IFI27: variants seen among roughly 807,000 people sequenced by gnomAD.
IFI27 encodes interferon alpha-inducible protein 27, mitochondrial.
A neutral mutation model predicts 8.9 loss-of-function variants in IFI27; 3 were observed. That is an observed-to-expected ratio of 0.34 (90% confidence interval 0.15 to 0.87). IFI27 has a LOEUF of 0.87. Ranked by LOEUF, IFI27 falls within the 40% of genes least tolerant of loss-of-function variation. The pLI, the probability that IFI27 is intolerant of heterozygous loss-of-function variation, is 0.51. For missense variants in IFI27, 152 were observed against 157.7 expected (o/e 0.96, Z 0.19); for synonymous variants, 66 against 67.3 (o/e 0.98, Z 0.09).
rs1422214403 is a variant in IFI27, at chr14:94,116,036, C to T, written c.283+94C>T. On this transcript the variant is annotated intron_variant, in intron 4 of 4. Coordinates refer to ENST00000621160, the Ensembl canonical transcript of IFI27. This position sits in a 1 kb window ranked among gnomAD's most constrained non-coding sequence, Gnocchi z 4.3. Reference sequence around the variant, plus strand: ...CAATCTCAACCCTATGAACCTCAATCTCCCTGTTCCTCTGTCTCTCTCTAC... The same window carrying T: ...CAATCTCAACCCTATGAACCTCAATTTCCCTGTTCCTCTGTCTCTCTCTAC... 8.5e-7 allele frequency: 1 copy of T among 1,182,876 alleles called. No individual in the cohort carries two copies. The highest frequency in any genetic ancestry group is 1.3e-5 in the South Asian group (1 of 76,908). The allele number at this position is 1,182,876 out of a possible 1,614,324, so 73.3% of individuals were successfully genotyped here.
chr14:94,109,377 G>GAAGGGCAAGGGC (rs771543145), upstream of IFI27, among the ~76,000 whole-genome samples: 3 of 150,312 alleles, frequency 2.0e-5, no homozygotes, highest in Admixed American at 6.6e-5. Flanking sequence ...GAAGGGCAGG[G>GAAGGGCAAGGGC]AAGGGCAAGG....
At chr14:94,109,490 C>T (rs573286914), upstream of IFI27, among the ~76,000 whole-genome samples, 2 of 152,226 alleles carry the variant, frequency 1.3e-5, no homozygotes, top group Non-Finnish European at 1.5e-5. Flanking sequence ...GTTCTGACCG[C>T]CAAGTGTCAG....
upstream of IFI27, among the ~76,000 whole-genome samples, chr14:94,106,488 T>C (rs2139281177): frequency 6.6e-6 from 1 of 152,380 alleles, no homozygotes; most frequent in East Asian, 1.9e-4. Flanking sequence ...TTTTCGGTTT[T>C]TTTGATAGCA....
At chr14:94,107,338 T>C (rs1262340133), upstream of IFI27, among the ~76,000 whole-genome samples, 6 of 152,326 alleles carry the variant, frequency 3.9e-5, no homozygotes, top group Admixed American at 3.3e-4. Flanking sequence ...CCCAAAGTAG[T>C]GGGATTACAG....
In IFI27 at chr14:94,111,135, G is replaced by C. The variant is rs1326313387; in HGVS notation, c.-59+338G>C. The stretch of plus-strand genomic sequence containing the variant: ...GCGGGGTGTTGCTTCCCTATGGAAA[G>C]CTTCTGACCTGGAGCAAATCACTGA... On this transcript the variant is annotated intron_variant, in intron 1 of 4. Coordinates refer to ENST00000621160, the Ensembl canonical transcript of IFI27. This position sits in a 1 kb window ranked among gnomAD's most constrained non-coding sequence, Gnocchi z 4.3. Among the ~76,000 whole-genome samples, 1 of 152,324 alleles carries C rather than the reference G, an allele frequency of 6.6e-6. No individual in the cohort carries two copies. Among genetic ancestry groups the C allele is most frequent in the Non-Finnish European group, 1.5e-5 (1 of 68,022 alleles).
chr14:94,115,752 C>T (rs759112651), intron 3 of IFI27, 29 bp from the exon 4 acceptor site: 94 of 1,595,890 alleles, frequency 5.9e-5, no homozygotes, highest in African/African-American at 8.1e-5. Context: ...TCTGAGCCCA[C>T]GCACCGACCC....
rs776509115 is a variant in IFI27 at position 94,115,950 on chromosome 14, TC to T, written c.283+10del. 97 of 1,567,638 alleles carry T rather than the reference TC, an allele frequency of 6.2e-5. 2 individuals carry two copies. The East Asian group carries it at 2.3e-3, about 37-fold the overall frequency. On this transcript the variant is annotated intron_variant, in intron 4 of 4. Coordinates refer to ENST00000621160, the Ensembl canonical transcript of IFI27. ...CTACTCTGCAGTCACTGGGTAAGTA[TC>T]CTGGCGGGGCTTGCTGGGGAGGGCG...
intron 2 of IFI27, chr14:94,114,139 A>C (rs1161864557): frequency 1.3e-5 from 2 of 152,300 alleles, no homozygotes; most frequent in African/African-American, 4.8e-5. Flanking sequence ...ATGGACCTTG[A>C]AGAGTCAGAA....
Position 94,116,050 on chromosome 14 carries a change from G to C in IFI27, c.283+108G>C, listed in dbSNP as rs1887395506. ...TGAACCTCAATCTCCCTGTTCCTCT[G>C]TCTCTCTCTACACATTCTCTCAGGG... On this transcript the variant is annotated intron_variant, in intron 4 of 4. Coordinates refer to ENST00000621160, the Ensembl canonical transcript of IFI27. This position sits in a 1 kb window ranked among gnomAD's most constrained non-coding sequence, Gnocchi z 4.3. 1 of 1,125,744 alleles carries C rather than the reference G, an allele frequency of 8.9e-7. No homozygotes were observed. The highest frequency in any genetic ancestry group is 1.3e-6 in the Non-Finnish European group (1 of 769,212). The allele number at this position is 1,125,744 out of a possible 1,614,324, so 69.7% of individuals were successfully genotyped here.
At chr14:94,112,751 C>G (rs1299220957) in intron 2 of IFI27, 1 of 152,524 alleles carries the variant, frequency 6.6e-6, no homozygotes, top group Non-Finnish European at 1.5e-5. Flanking sequence ...TTGCTGGGGG[C>G]ACTGGAGGCT....
rs17129471 is a variant in IFI27, at chr14:94,112,205, A to T, written c.91+432A>T. 8.9e-3 allele frequency: 1,557 copies of T among 175,792 alleles called. 25 individuals are homozygous for T. The highest frequency in any genetic ancestry group is 0.032 in the African/African-American group (1,336 of 42,274). 10.9% of individuals were successfully genotyped at this position (175,792 alleles called of 1,614,324 possible). A position where few individuals can be genotyped will look rare whatever the true frequency, so the allele number is the denominator to read the frequency against. On this transcript the variant is annotated intron_variant, in intron 2 of 4. Transcript: ENST00000621160. ...CAAAATTCTTCAGCTCACTTTTTTCATTAGTTTCTGGGAGATCTCTTTCTG... is the reference window on the plus strand; with the variant it reads ...CAAAATTCTTCAGCTCACTTTTTTCTTTAGTTTCTGGGAGATCTCTTTCTG...
In IFI27 at chr14:94,116,370, A is replaced by G. The variant is rs1887410731; in HGVS notation, c.284-72A>G. On this transcript the variant is annotated intron_variant, in intron 4 of 4. Coordinates refer to ENST00000621160, the Ensembl canonical transcript of IFI27. This position sits in a 1 kb window ranked among gnomAD's most constrained non-coding sequence, Gnocchi z 4.3. ...CTGCTGAGGGTCACTGGAGTCTCTG[A>G]CCCCACAGTCCTGCCCACAGAGCTT... 5.6e-6 allele frequency: 6 copies of G among 1,062,756 alleles called. No homozygotes were observed. The Admixed American group carries it at 1.2e-4, about 21-fold the overall frequency. The allele number at this position is 1,062,756 out of a possible 1,614,324, so 65.8% of individuals were successfully genotyped here. A position where few individuals can be genotyped will look rare whatever the true frequency, so the allele number is the denominator to read the frequency against.
Position 94,114,847 on chromosome 14 carries a change from C to G in IFI27, c.92-4C>G. On this transcript the variant is annotated splice_polypyrimidine_tract_variant and splice_region_variant and intron_variant, in intron 2 of 4. Transcript: ENST00000621160. ...TACTCACAGAATGTTCTTTTGGTTT[C>G]CAGCCAGGATTGCTACAGTTGTGAT... 1 of 1,613,950 alleles carries G rather than the reference C, an allele frequency of 6.2e-7. No homozygotes were observed. The highest frequency in any genetic ancestry group is 2.2e-5 in the East Asian group (1 of 44,874).
chr14:94,106,007 A>G (rs1236717911), upstream of IFI27: 1 of 152,200 alleles, frequency 6.6e-6, no homozygotes, highest in African/African-American at 2.4e-5. Context: ...TAAAAAACAG[A>G]AATTTATTTC....
Position 94,116,070 on chromosome 14 carries a change from T to C in IFI27, c.283+128T>C. 1 of 1,037,364 alleles carries C rather than the reference T, an allele frequency of 9.6e-7. No homozygotes were observed. The highest frequency in any genetic ancestry group is 2.0e-5 in the Admixed American group (1 of 50,406). The allele number at this position is 1,037,364 out of a possible 1,614,324, so 64.3% of individuals were successfully genotyped here. A position where few individuals can be genotyped will look rare whatever the true frequency, so the allele number is the denominator to read the frequency against. ...CCTCTGTCTCTCTCTACACATTCTC[T>C]CAGGGTTTCTCTGAGGGAGATGGAG... On this transcript the variant is annotated intron_variant, in intron 4 of 4. Coordinates refer to ENST00000621160, the Ensembl canonical transcript of IFI27. This position sits in a 1 kb window ranked among gnomAD's most constrained non-coding sequence, Gnocchi z 4.3.
At chr14:94,109,970 C>A (rs571928623), upstream of IFI27, among the ~76,000 whole-genome samples, 1 of 152,230 alleles carries the variant, frequency 6.6e-6, no homozygotes, top group Non-Finnish European at 1.5e-5. Context: ...GGCTTCAGGA[C>A]ACAAGATCAA....
In IFI27 at chr14:94,116,445, C is replaced by G. The variant is rs765318806; in HGVS notation, c.287C>G (p.Ala96Gly). 6.2e-7 allele frequency: 1 copy of G among 1,610,794 alleles called. No individual in the cohort carries two copies. Among genetic ancestry groups the G allele is most frequent in the Non-Finnish European group, 8.5e-7 (1 of 1,178,186 alleles). Reference sequence around the variant, plus strand: ...TCCACCCTCTGCTTCTTCCCAGGAGCAACTGGACTCTCCGGATTGACCAAG... The same window carrying G: ...TCCACCCTCTGCTTCTTCCCAGGAGGAACTGGACTCTCCGGATTGACCAAG... The change falls in exon 5 of 5, where the codon GCA (alanine) becomes GGA (glycine). Residue 96 changes from alanine (A) to glycine (G), a missense_variant. By Grantham distance (60) the Ala-to-Gly change is moderately conservative. Coordinates refer to ENST00000621160, the Ensembl canonical transcript of IFI27. This position sits in a 1 kb window ranked among gnomAD's most constrained non-coding sequence, Gnocchi z 4.3.
rs1482418825 is a variant in IFI27, at chr14:94,111,187, C to T, written c.-59+390C>T. 2.0e-5 allele frequency among the ~76,000 whole-genome samples: 3 copies of T among 152,190 alleles called. No individual in the cohort carries two copies. Among genetic ancestry groups the T allele is most frequent in the African/African-American group, 7.2e-5 (3 of 41,442 alleles). On this transcript the variant is annotated intron_variant, in intron 1 of 4. Transcript: ENST00000621160. The surrounding 1 kb of genome is among the most constrained non-coding windows in gnomAD (Gnocchi z 4.3). The stretch of plus-strand genomic sequence containing the variant: ...CCAGATCGCGCTCCCTCATCTGTAA[C>T]ATGCGGAGGAGGAGGGTCCCATCTT...
rs1225410109 is a variant in IFI27, at chr14:94,114,113, AG to A, written c.92-736del. Reference sequence around the variant, plus strand: ...GGAAGAATCTGGGAAGGCTTCCTGGAGGAGGGAACAATGGCATGGACCTTGA... The same window carrying A: ...GGAAGAATCTGGGAAGGCTTCCTGGAGAGGGAACAATGGCATGGACCTTGA... On this transcript the variant is annotated intron_variant, in intron 2 of 4. Coordinates refer to ENST00000621160, the Ensembl canonical transcript of IFI27. 24 of 152,450 alleles carry A rather than the reference AG, an allele frequency of 1.6e-4. 1 individual carries two copies. Among genetic ancestry groups the A allele is most frequent in the Admixed American group, 1.6e-3 (24 of 15,286 alleles). 9.4% of individuals were successfully genotyped at this position (152,450 alleles called of 1,614,324 possible). A position where few individuals can be genotyped will look rare whatever the true frequency, so the allele number is the denominator to read the frequency against.
Sources: allele counts gnomAD v4.1 joint callset (sites outside exome capture counted in the v4.1 genomes callset), GRCh38; gene constraint gnomAD v4.1.1; non-coding constraint Gnocchi (gnomAD v3.1); transcripts MANE v1.5; gene names NCBI Gene and HGNC (gene_info 2026-07-23, HGNC 2026-07-21).